The following ASTN2 variants were observed in gnomAD, a reference collection of about 807,000 sequenced individuals.
ASTN2 encodes the protein astrotactin-2.
In ASTN2, 54 loss-of-function variants were observed where a neutral mutation model predicts 139.8. The observed-to-expected ratio is 0.39, with a 90% CI of 0.31 to 0.48. The LOEUF (loss-of-function observed/expected upper bound fraction) is 0.48, where lower values mean the gene tolerates loss of function less well. ASTN2 is among the 20% of genes least tolerant of loss of function. The probability of loss-of-function intolerance (pLI) is 0.95; values close to 1 mark genes in which losing one functional copy is unlikely to be tolerated. For synonymous variants in ASTN2, 756 were observed against 719.5 expected, an observed-to-expected ratio of 1.05 and a Z score of -0.81; for missense variants, 1,565 against 1,725.1, an observed-to-expected ratio of 0.91 and a Z score of 1.64.
At chr9:117,236,201 A>G (rs1353702936) in intron 2 of ASTN2, among the ~76,000 whole-genome samples, 1 of 152,206 alleles carries the variant, frequency 6.6e-6, no homozygotes, top group African/African-American at 2.4e-5. Flanking sequence ...GGAACTCCAC[A>G]CTCAATACTG....
intron 16 of ASTN2, among the ~76,000 whole-genome samples, chr9:116,674,562 T>C (rs1426508976): frequency 2.0e-5 from 3 of 152,224 alleles, no homozygotes; most frequent in African/African-American, 7.2e-5. Context: ...CACATTCCCT[T>C]GTTATTTGCT....
intron 11 of ASTN2, among the ~76,000 whole-genome samples, chr9:116,841,928 G>A (rs1409962997): frequency 2.0e-5 from 3 of 152,182 alleles, no homozygotes; most frequent in Non-Finnish European, 4.4e-5. Context: ...TTTCCAATGA[G>A]GAAACTAAAA....
intron 20 of ASTN2, among the ~76,000 whole-genome samples, chr9:116,485,342 G>T (rs1289313060): frequency 7.4e-6 from 1 of 134,922 alleles, no homozygotes; most frequent in East Asian, 2.5e-4. Context: ...ATCCAGGTCT[G>T]TGTGCCTTCA....
chr9:116,674,208 T>C (rs1859365546), intron 16 of ASTN2, among the ~76,000 whole-genome samples: 1 of 152,204 alleles, frequency 6.6e-6, no homozygotes, highest in Admixed American at 6.5e-5. Context: ...TTGCAGACCC[T>C]GCACTTGATG....
At chr9:117,234,753 G>C (rs1232350062) in intron 2 of ASTN2, among the ~76,000 whole-genome samples, 1 of 152,044 alleles carries the variant, frequency 6.6e-6, no homozygotes, top group Non-Finnish European at 1.5e-5. Flanking sequence ...GAGAGAGGAT[G>C]AGAGCCTTTT....
intron 2 of ASTN2, among the ~76,000 whole-genome samples, chr9:117,258,728 C>T (rs1564111565): frequency 1.3e-5 from 2 of 152,126 alleles, no homozygotes; most frequent in Admixed American, 1.3e-4. Context: ...CTTCCACTCC[C>T]TAAAACATGC....
chr9:117,221,806 G>A (rs903185964), intron 2 of ASTN2, among the ~76,000 whole-genome samples: 43 of 149,640 alleles, frequency 2.9e-4, no homozygotes, highest in African/African-American at 1.0e-3. Flanking sequence ...GTTTAAGCTG[G>A]AAGAATTATT....
At chr9:116,979,524 G>T (rs1419161199) in intron 7 of ASTN2, among the ~76,000 whole-genome samples, 7 of 152,132 alleles carry the variant, frequency 4.6e-5, no homozygotes, top group East Asian at 3.9e-4. Context: ...GCGAGGAGGG[G>T]CAGGAGTCAC....
intron 3 of ASTN2, among the ~76,000 whole-genome samples, chr9:117,182,926 C>G (rs1214929772): frequency 6.6e-6 from 1 of 152,148 alleles, no homozygotes; most frequent in African/African-American, 2.4e-5. Flanking sequence ...CCCACAAATA[C>G]AGACAATTAT....
intron 13 of ASTN2, among the ~76,000 whole-genome samples, chr9:116,740,702 G>A (rs1829076734): frequency 6.6e-6 from 1 of 151,754 alleles, no homozygotes; most frequent in Admixed American, 6.6e-5. Context: ...TTTTAGTAGA[G>A]ATGGGGTTTC....
At chr9:117,323,587 C>T (rs994686346) in intron 1 of ASTN2, among the ~76,000 whole-genome samples, 1 of 152,132 alleles carries the variant, frequency 6.6e-6, no homozygotes, top group African/African-American at 2.4e-5. Context: ...GAATCACTGA[C>T]ATTGGATTCA....
At chr9:117,011,072 C>T (rs911759534) in intron 6 of ASTN2, among the ~76,000 whole-genome samples, 1 of 152,178 alleles carries the variant, frequency 6.6e-6, no homozygotes, top group Admixed American at 6.5e-5. Context: ...ATGATGTCCA[C>T]TACAAGCTCT....
At chr9:116,491,785 C>T (rs1849524867) in intron 19 of ASTN2, among the ~76,000 whole-genome samples, 1 of 152,130 alleles carries the variant, frequency 6.6e-6, no homozygotes, top group African/African-American at 2.4e-5. Context: ...TATTTTAGTT[C>T]CACAATATAA....
intron 3 of ASTN2, among the ~76,000 whole-genome samples, chr9:117,144,832 C>T (rs534535213): frequency 3.8e-4 from 57 of 151,730 alleles, no homozygotes; most frequent in Non-Finnish European, 4.4e-4. Context: ...TAGGCATGCA[C>T]CACCATGCCT....
intron 5 of ASTN2, among the ~76,000 whole-genome samples, chr9:117,071,204 T>G (rs1278716988): frequency 1.3e-5 from 2 of 151,712 alleles, no homozygotes; most frequent in Non-Finnish European, 2.9e-5. Context: ...GGATGTCCTT[T>G]CTGTTTGTTA....
chr9:116,435,649 CT>C (rs1847627083), intron 22 of ASTN2, among the ~76,000 whole-genome samples: 1 of 152,230 alleles, frequency 6.6e-6, no homozygotes, highest in Non-Finnish European at 1.5e-5. Context: ...GACTCTCTCC[CT>C]TCCACCTGGA....
intron 19 of ASTN2, among the ~76,000 whole-genome samples, chr9:116,593,793 T>C (rs527301472): frequency 6.6e-6 from 1 of 152,344 alleles, no homozygotes; most frequent in South Asian, 2.1e-4. Context: ...CATGATTTTC[T>C]TGCTTTATGC....
At chr9:117,353,171 T>G (rs1829437089) in intron 1 of ASTN2, among the ~76,000 whole-genome samples, 2 of 152,170 alleles carry the variant, frequency 1.3e-5, no homozygotes, top group African/African-American at 4.8e-5. Flanking sequence ...GCAAATTGTA[T>G]GTTACATATA....
intron 1 of ASTN2, among the ~76,000 whole-genome samples, chr9:117,354,547 CTGAG>C (rs1829482954): frequency 2.0e-5 from 3 of 152,338 alleles, no homozygotes; most frequent in South Asian, 4.1e-4. Flanking sequence ...CACCCATGCA[CTGAG>C]TAAGTATCAC....
Sources: allele counts gnomAD v4.1 joint callset (sites outside exome capture counted in the v4.1 genomes callset), GRCh38; gene constraint gnomAD v4.1.1; transcripts MANE v1.5; gene names NCBI Gene and HGNC (gene_info 2026-07-23, HGNC 2026-07-21).